TBCE: variants seen among roughly 807,000 people sequenced by gnomAD.
The protein encoded by TBCE is tubulin folding cofactor E.
In TBCE, 53 loss-of-function variants were observed where a neutral mutation model predicts 77.0. The ratio of observed to expected loss-of-function variants is 0.69; its 90% CI spans 0.55 to 0.87. The LOEUF (loss-of-function observed/expected upper bound fraction) is 0.87. Ranked by LOEUF, TBCE falls within the 40% of genes least tolerant of loss-of-function variation. The pLI is 0.00. For synonymous variants in TBCE, 235 were observed against 241.3 expected (o/e 0.97, Z 0.24); for missense variants, 624 against 622.4 (o/e 1.00, Z -0.03).
chr1:235,447,197 C>T (rs1039049872), intron 15 of TBCE, among the ~76,000 whole-genome samples: 1 of 152,104 alleles, frequency 6.6e-6, no homozygotes, highest in Non-Finnish European at 1.5e-5. Flanking sequence ...GTATTCAATA[C>T]ATACAAAAAG....
chr1:235,387,580 C>A (rs555445243), intron 2 of TBCE, among the ~76,000 whole-genome samples: 3 of 152,282 alleles, frequency 2.0e-5, no homozygotes, highest in South Asian at 2.1e-4. Context: ...AGTGAGACTC[C>A]GTAGGTGTAG....
intron 3 of TBCE, among the ~76,000 whole-genome samples, chr1:235,403,683 G>T (rs574438342): frequency 3.3e-5 from 5 of 152,302 alleles, no homozygotes; most frequent in Admixed American, 3.3e-4. Context: ...GTGATGCAGG[G>T]TTTGTCCTGA....
At chr1:235,382,213 A>G (rs1256469997) in intron 2 of TBCE, among the ~76,000 whole-genome samples, 1 of 151,502 alleles carries the variant, frequency 6.6e-6, no homozygotes, top group Non-Finnish European at 1.5e-5. Context: ...CCAGTCTATC[A>G]TTGTTGGACA....
At position 235,435,438 on chromosome 1, in the gene TBCE, A is replaced by G. The variant is rs566005379; in HGVS notation, c.738-307A>G. ...AAATTAAATTTTTTTATTTTGAGAT[A>G]ATCATATATTCACATGAAGTTTTAT... is the stretch of plus-strand genomic sequence containing the variant. On this transcript the variant is annotated intron_variant, in intron 8 of 16. Transcript: ENST00000642610. 4.5e-3 allele frequency among the ~76,000 whole-genome samples: 612 copies of G among 136,642 alleles called. 5 individuals carry two copies. The highest frequency in any genetic ancestry group is 0.019 in the African/African-American group (585 of 31,394). 89.6% of individuals were successfully genotyped at this position (136,642 alleles called of 152,430 possible).
Position 235,451,303 on chromosome 1 carries a change from G to T in TBCE, c.*2541G>T, listed in dbSNP as rs981855639. On this transcript the variant is annotated 3_prime_UTR_variant, in exon 17 of 17. Transcript: ENST00000642610. ...CAGCTTGCACTTAGGTAGGTCTGGGGCTGGTAGTCAGTCTGTGTAAGCCCA... is the reference window on the plus strand; with the variant it reads ...CAGCTTGCACTTAGGTAGGTCTGGGTCTGGTAGTCAGTCTGTGTAAGCCCA... 6.6e-6 allele frequency: 1 copy of T among 152,148 alleles called. No individual in the cohort carries two copies. Among genetic ancestry groups the T allele is most frequent in the Non-Finnish European group, 1.5e-5 (1 of 68,038 alleles). The allele number at this position is 152,148 out of a possible 1,614,324, so 9.4% of individuals were successfully genotyped here.
At position 235,427,199 on chromosome 1, in the gene TBCE, A is replaced by G. The variant is rs1680772555; in HGVS notation, c.520A>G (p.Ile174Val). 2 of 1,614,070 alleles carry G rather than the reference A, an allele frequency of 1.2e-6. No homozygotes were observed. Among genetic ancestry groups the G allele is most frequent in the Non-Finnish European group, 8.5e-7 (1 of 1,180,002 alleles). Residue 174 changes from isoleucine to valine, a missense_variant, in exon 6 of 17, where the codon ATT (isoleucine) becomes GTT (valine). Physicochemically the swap from Ile to Val is conservative, Grantham distance 29. Transcript: ENST00000642610. Reference protein sequence around the residue: ...LLSSWDEVIHIADQLRHLEVL... With the variant: ...LLSSWDEVIHVADQLRHLEVL... ...GTCATCATGGGATGAAGTGATACAC[A>G]TTGCTGATCAGCTCAGACACCTGGA...
intron 3 of TBCE, among the ~76,000 whole-genome samples, chr1:235,408,012 A>G (rs566960548): frequency 5.9e-5 from 9 of 152,250 alleles, no homozygotes; most frequent in African/African-American, 2.2e-4. Context: ...TTCTGGTGAG[A>G]AATAAATCTT....
rs759694992 is a variant in TBCE, at chr1:235,443,165, TAC to T, written c.1399+274_1399+275del. The stretch of plus-strand genomic sequence containing the variant: ...AAAATTGGAAGCCCCTGCATATAAT[TAC>T]ACACACACACACACACACATATATA... On this transcript the variant is annotated intron_variant, in intron 15 of 16. Coordinates refer to ENST00000642610, the MANE Select transcript of TBCE (RefSeq NM_003193.5). Among the ~76,000 whole-genome samples, 330 of 148,390 alleles carry T rather than the reference TAC, an allele frequency of 2.2e-3. 1 individual carries two copies. The highest frequency in any genetic ancestry group is 6.9e-3 in the African/African-American group (277 of 40,286).
chr1:235,428,631 CTTTATTTATTTA>C (rs144210623), intron 6 of TBCE, among the ~76,000 whole-genome samples: 18 of 147,482 alleles, frequency 1.2e-4, no homozygotes, highest in African/African-American at 2.5e-4. Context: ...TTTAAGGACA[CTTTATTTATTTA>C]TTTATTTATT....
At position 235,441,851 on chromosome 1, in the gene TBCE, G is replaced by C; in HGVS notation, c.1308G>C (p.Gln436His). ...GAPEDWELKT[Q>H]QPLMLKNQLL... The stretch of plus-strand genomic sequence containing the variant: ...CTGAAGATTGGGAACTCAAAACACA[G>C]CAACCACTTATGCTGAAAAACCAGC... Residue 436 changes from glutamine to histidine, a missense_variant, in exon 14 of 17, where the codon CAG becomes CAC. Transcript: ENST00000642610. 2 of 1,614,024 alleles carry C rather than the reference G, an allele frequency of 1.2e-6. No homozygotes were observed. The highest frequency in any genetic ancestry group is 1.7e-6 in the Non-Finnish European group (2 of 1,179,998).
At chr1:235,396,858 G>A (rs955382918) in intron 2 of TBCE, among the ~76,000 whole-genome samples, 3 of 151,904 alleles carry the variant, frequency 2.0e-5, no homozygotes, top group African/African-American at 7.2e-5. Context: ...AATTGTTTGA[G>A]CTCCTTATTA....
intron 1 of TBCE, among the ~76,000 whole-genome samples, chr1:235,371,517 C>G (rs1019820515): frequency 6.7e-6 from 1 of 149,416 alleles, no homozygotes. Context: ...TGGGATTATA[C>G]GCGTGTGCCA....
chr1:235,417,923 GCCCCCC>G (rs1170359744), intron 4 of TBCE, among the ~76,000 whole-genome samples: 2 of 152,012 alleles, frequency 1.3e-5, no homozygotes, highest in Non-Finnish European at 2.9e-5. Flanking sequence ...GATTACAGGT[GCCCCCC>G]ACTATGCCAG....
At chr1:235,437,298 T>G in intron 11 of TBCE, 24 bp from the exon 12 acceptor site, 2 of 1,614,014 alleles carry the variant, frequency 1.2e-6, no homozygotes, top group Non-Finnish European at 1.7e-6. Context: ...CGCTTTTCAT[T>G]TATTTCCTTT....
Position 235,449,988 on chromosome 1 carries a change from G to T in TBCE, c.*1226G>T. ...GTATTTTTCTGATAATCTTCCAATAGATAAATAAAAACTTTTCTTATGCTA... is the reference window on the plus strand; with the variant it reads ...GTATTTTTCTGATAATCTTCCAATATATAAATAAAAACTTTTCTTATGCTA... On this transcript the variant is annotated 3_prime_UTR_variant, in exon 17 of 17. Transcript: ENST00000642610. 1 of 414,600 alleles carries T rather than the reference G, an allele frequency of 2.4e-6. No individual in the cohort carries two copies. The highest frequency in any genetic ancestry group is 4.2e-6 in the Non-Finnish European group (1 of 237,558). 25.7% of individuals were successfully genotyped at this position (414,600 alleles called of 1,614,324 possible).
chr1:235,450,495 G>A lies in TBCE; in HGVS notation c.*1733G>A. 1.2e-6 allele frequency: 1 copy of A among 865,232 alleles called. No individual in the cohort carries two copies. Among genetic ancestry groups the A allele is most frequent in the East Asian group, 2.7e-5 (1 of 37,008 alleles). 53.6% of individuals were successfully genotyped at this position (865,232 alleles called of 1,614,324 possible). A position where few individuals can be genotyped will look rare whatever the true frequency, so the allele number is the denominator to read the frequency against. ...GGAACAACTGGTGAGGTTTGGGGGTGGCACCTCCTGATTTGGGAAAGCACC... is the reference window on the plus strand; with the variant it reads ...GGAACAACTGGTGAGGTTTGGGGGTAGCACCTCCTGATTTGGGAAAGCACC... On this transcript the variant is annotated 3_prime_UTR_variant, in exon 17 of 17. Transcript: ENST00000642610.
At chr1:235,379,964 AT>A in intron 1 of TBCE, 54 bp from the exon 2 acceptor site, 2 of 1,216,108 alleles carry the variant, frequency 1.6e-6, no homozygotes, top group East Asian at 2.6e-5. Context: ...AAAAAAAAAA[AT>A]TCCTTTAAAG....
intron 2 of TBCE, among the ~76,000 whole-genome samples, chr1:235,389,711 C>T (rs980167237): frequency 4.6e-5 from 7 of 152,042 alleles, no homozygotes; most frequent in Admixed American, 3.9e-4. Flanking sequence ...ATAATTTCTG[C>T]GGTTACTTCA....
At chr1:235,425,318 T>C (rs1224587405) in intron 5 of TBCE, among the ~76,000 whole-genome samples, 2 of 152,120 alleles carry the variant, frequency 1.3e-5, no homozygotes, top group East Asian at 1.9e-4. Flanking sequence ...CCTAAATCCA[T>C]TGGCAAATCC....
Sources: gnomAD v4.1 joint callset for allele counts (sites outside exome capture counted in the v4.1 genomes callset) on GRCh38, gnomAD v4.1.1 for gene constraint, MANE v1.5 for transcripts, NCBI Gene and HGNC (gene_info 2026-07-23, HGNC 2026-07-21) for gene names.